The following UGP2 variants were observed in gnomAD, a reference collection of about 807,000 sequenced individuals.
The protein encoded by UGP2 is UDP-glucose pyrophosphorylase 2.
Under a neutral mutation model 49.0 loss-of-function variants are expected in UGP2, and 40 were observed. The ratio of observed to expected loss-of-function variants is 0.82; its 90% CI spans 0.63 to 1.06. UGP2 has a LOEUF of 1.06. Ranked by LOEUF, UGP2 falls within the 50% of genes least tolerant of loss-of-function variation. UGP2 has a pLI of 0.00. For synonymous variants in UGP2, 225 were observed against 213.0 expected, an observed-to-expected ratio of 1.06 and a Z score of -0.49; for missense variants, 460 against 603.5, an observed-to-expected ratio of 0.76 and a Z score of 2.49.
At chr2:63,887,898 A>AT in intron 8 of UGP2, 1 of 448,304 alleles carries the variant, frequency 2.2e-6, no homozygotes, top group South Asian at 2.6e-5. Context: ...CTCTTCCAAG[A>AT]CCAGTACTGC....
At chr2:63,842,547 GCGT>G (rs1415739695) in intron 1 of UGP2, 1 of 1,518,604 alleles carries the variant, frequency 6.6e-7, no homozygotes, top group Non-Finnish European at 8.8e-7. Flanking sequence ...AGGTACCTGT[GCGT>G]GCACGCAGAC....
At chr2:63,868,674 G>A (rs1357670396) in intron 3 of UGP2, among the ~76,000 whole-genome samples, 1 of 152,118 alleles carries the variant, frequency 6.6e-6, no homozygotes, top group East Asian at 1.9e-4. Flanking sequence ...TTTAAAAAGA[G>A]TATATCAGGC....
In UGP2 at chr2:63,885,786, C is replaced by T; in HGVS notation, c.773C>T (p.Thr258Ile). The T allele has an allele frequency of 6.2e-7, 1 of 1,613,766 alleles. No homozygotes were observed. The highest frequency in any genetic ancestry group is 8.5e-7 in the Non-Finnish European group (1 of 1,179,916). ...FVSNIDNLGA[T>I]VDLYILNHLM... ...TCTAACATAGATAATCTGGGTGCCA[C>T]AGTGGATCTGTATATTCTTAATCAT... The change falls in exon 6 of 10, where the codon ACA (threonine) becomes ATA (isoleucine). Residue 258 changes from threonine (T) to isoleucine (I), a missense_variant. Around this residue, in one of 2 missense-constraint regions of UGP2, gnomAD observed 317 missense variants for 473.0 expected, o/e 0.67. Transcript: ENST00000337130.
chr2:63,852,737 G>A (rs1669123244), intron 1 of UGP2, among the ~76,000 whole-genome samples: 1 of 152,182 alleles, frequency 6.6e-6, no homozygotes, highest in South Asian at 2.1e-4. Flanking sequence ...ATGGAAAACA[G>A]TGAATGGAAT....
intron 1 of UGP2, chr2:63,842,733 G>C (rs1671654558): frequency 2.4e-6 from 2 of 817,752 alleles, no homozygotes; most frequent in Non-Finnish European, 3.5e-6. Flanking sequence ...GGTCATTTCA[G>C]CTGGAGAAAT....
intron 1 of UGP2, among the ~76,000 whole-genome samples, chr2:63,849,685 T>C (rs1338587586): frequency 3.9e-5 from 6 of 152,084 alleles, no homozygotes; most frequent in African/African-American, 1.2e-4. Context: ...CACCTGGAGG[T>C]GGTAAACCAT....
chr2:63,861,523 A>G (rs1035367301), intron 3 of UGP2, among the ~76,000 whole-genome samples: 5 of 146,306 alleles, frequency 3.4e-5, no homozygotes, highest in African/African-American at 1.2e-4. Context: ...CACCTCTACA[A>G]ATTTTTTTTT....
intron 9 of UGP2, among the ~76,000 whole-genome samples, chr2:63,890,507 G>A (rs191694931): frequency 1.7e-4 from 26 of 152,140 alleles, no homozygotes; most frequent in Non-Finnish European, 3.2e-4. Context: ...CCAGCCTCAC[G>A]TAAGAAATAG....
chr2:63,850,123 T>G (rs958766999), intron 1 of UGP2, among the ~76,000 whole-genome samples: 3 of 152,246 alleles, frequency 2.0e-5, no homozygotes, highest in African/African-American at 7.2e-5. Context: ...TTTGAGATTT[T>G]AAGAGCTACT....
At chr2:63,883,076 G>C (rs781703204) in intron 4 of UGP2, among the ~76,000 whole-genome samples, 2 of 152,144 alleles carry the variant, frequency 1.3e-5, no homozygotes, top group Non-Finnish European at 2.9e-5. Flanking sequence ...GTCATTAATC[G>C]TACACCATAA....
In UGP2 at chr2:63,856,293, T is replaced by G; in HGVS notation, c.20-13T>G. The G allele has an allele frequency of 1.9e-6, 3 of 1,608,502 alleles. No homozygotes were observed. The highest frequency in any genetic ancestry group is 1.7e-6 in the Non-Finnish European group (2 of 1,178,196). ...GGAGTTTTCAGTTGGTGGTTTTATG[T>G]TTTTGTTTTAAGATCTTAGCAAAGC... On this transcript the variant is annotated splice_polypyrimidine_tract_variant and intron_variant, in intron 1 of 9. Coordinates refer to ENST00000337130, the MANE Select transcript of UGP2 (RefSeq NM_006759.4).
chr2:63,857,372 G>T (rs1176238251), intron 2 of UGP2, among the ~76,000 whole-genome samples: 1 of 151,106 alleles, frequency 6.6e-6, no homozygotes, highest in Non-Finnish European at 1.5e-5. Flanking sequence ...GTTTGTTTTT[G>T]TTTGTTTTTG....
At chr2:63,867,226 G>C (rs1670244404) in intron 3 of UGP2, among the ~76,000 whole-genome samples, 1 of 152,108 alleles carries the variant, frequency 6.6e-6, no homozygotes. Context: ...TATACATTTT[G>C]AATTCATTCT....
intron 4 of UGP2, among the ~76,000 whole-genome samples, chr2:63,882,924 T>A (rs527802688): frequency 6.6e-6 from 1 of 152,178 alleles, no homozygotes; most frequent in African/African-American, 2.4e-5. Flanking sequence ...CTACCCACTT[T>A]CTTTCTGGTG....
At chr2:63,887,312 C>T (rs2104365092) in intron 7 of UGP2, 90 bp from the exon 8 acceptor site, 1 of 1,486,492 alleles carries the variant, frequency 6.7e-7, no homozygotes, top group Admixed American at 2.2e-5. Context: ...TCTCTGAAAT[C>T]ACTTCCCAAA....
rs61669991 is a variant in UGP2, at chr2:63,877,999, C to CA, written c.256-4437dup. On this transcript the variant is annotated intron_variant, in intron 3 of 9. Transcript: ENST00000337130. Reference sequence around the variant, plus strand: ...TGGGCGACAGAGCGAGACTCCGTCTCAAAAAAAAAAAAAAAAAAAAAAAAA... The same window carrying CA: ...TGGGCGACAGAGCGAGACTCCGTCTCAAAAAAAAAAAAAAAAAAAAAAAAAA... Among the ~76,000 whole-genome samples the CA allele has an allele frequency of 8.5e-3, 577 of 67,908 alleles. 60 individuals are homozygous for CA. The highest frequency in any genetic ancestry group is 0.012 in the Non-Finnish European group (445 of 38,416). 44.6% of individuals were successfully genotyped at this position (67,908 alleles called of 152,430 possible).
intron 3 of UGP2, among the ~76,000 whole-genome samples, chr2:63,865,524 T>C (rs1001939203): frequency 7.0e-6 from 1 of 143,136 alleles, no homozygotes; most frequent in Non-Finnish European, 1.5e-5. Context: ...CTCAGAATGC[T>C]TGGGTCTATT....
At chr2:63,846,905 TA>T (rs1282274019) in intron 1 of UGP2, among the ~76,000 whole-genome samples, 2 of 152,242 alleles carry the variant, frequency 1.3e-5, no homozygotes, top group African/African-American at 4.8e-5. Context: ...TTTATTATAT[TA>T]TTTGAAGAGA....
At chr2:63,883,922 G>A in intron 4 of UGP2, 38 bp from the exon 5 acceptor site, 5 of 1,568,148 alleles carry the variant, frequency 3.2e-6, no homozygotes, top group African/African-American at 1.4e-5. Context: ...CAAAAGAAAA[G>A]TGAGTCTGGG....
Sources: allele counts gnomAD v4.1 joint callset (sites outside exome capture counted in the v4.1 genomes callset), GRCh38; gene constraint gnomAD v4.1.1; regional missense constraint gnomAD v4.1.1; transcripts MANE v1.5; gene names NCBI Gene and HGNC (gene_info 2026-07-23, HGNC 2026-07-21).